The following FAM161B variants were observed in gnomAD, a reference collection of about 807,000 sequenced individuals.
FAM161B encodes protein FAM161B.
In FAM161B, 46 loss-of-function variants were observed where a neutral mutation model predicts 61.5. The ratio of observed to expected loss-of-function variants is 0.75; its 90% CI spans 0.59 to 0.96. The LOEUF (loss-of-function observed/expected upper bound fraction) is 0.96, where lower values mean the gene tolerates loss of function less well. Among genes scored for constraint, FAM161B ranks in the 40% least tolerant of loss-of-function variants. FAM161B has a pLI of 0.00. For synonymous variants in FAM161B, 284 were observed against 302.7 expected, an observed-to-expected ratio of 0.94 and a Z score of 0.64; for missense variants, 774 against 800.7, an observed-to-expected ratio of 0.97 and a Z score of 0.40.
intron 4 of FAM161B, among the ~76,000 whole-genome samples, chr14:73,942,131 C>T (rs1046479469): frequency 3.9e-5 from 6 of 152,170 alleles, no homozygotes; most frequent in Non-Finnish European, 7.3e-5. Flanking sequence ...GCTGGAACTA[C>T]AGGTACACAC....
downstream of FAM161B, among the ~76,000 whole-genome samples, chr14:73,930,988 G>A (rs2055903732): frequency 1.3e-5 from 2 of 152,196 alleles, no homozygotes; most frequent in African/African-American, 4.8e-5. Flanking sequence ...TAGAATGTTA[G>A]TGGTAGTTGC....
At chr14:73,926,308 A>G in the FAM161B span, among the ~76,000 whole-genome samples, 1 of 152,140 alleles carries the variant, frequency 6.6e-6, no homozygotes, top group Admixed American at 6.6e-5. Context: ...TTGGTTTGCT[A>G]GAGTCAGGAT....
At chr14:73,928,634 A>AT (rs1192021761), downstream of FAM161B, among the ~76,000 whole-genome samples, 1 of 152,190 alleles carries the variant, frequency 6.6e-6, no homozygotes, top group Non-Finnish European at 1.5e-5. Flanking sequence ...GGGAGACAGC[A>AT]TAACACAGGC....
the FAM161B span, chr14:73,923,367 A>T: frequency 2.5e-6 from 4 of 1,607,016 alleles, no homozygotes; most frequent in Non-Finnish European, 3.4e-6. Context: ...TTCACTTTTC[A>T]TTGAAACATT....
rs73301408 is a variant in FAM161B, at chr14:73,942,635, A to C, written c.1006T>G (p.Ser336Ala). The C allele has an allele frequency of 3.8e-4, 606 of 1,614,056 alleles. 2 individuals are homozygous for C. The African/African-American group carries it at 6.7e-3, about 18-fold the overall frequency. Reference protein sequence around the residue: ...LQMASSPIASSSNRANPQPRT... With the variant: ...LQMASSPIASASNRANPQPRT... ...GGCTGTGGGTTAGCCCGGTTACTAG[A>C]GGAGGCGATAGGGGAAGAGGCCATC... The change falls in exon 4 of 9, where the codon TCT becomes GCT. Residue 336 changes from serine (S) to alanine (A), a missense_variant. Ser to Ala is a moderately conservative substitution (Grantham distance 99). Transcript: ENST00000286544.
rs533485227 is a variant in FAM161B at position 73,946,687 on chromosome 14, A to T, written c.55-82T>A. ...TCATAACTTAATTTCGCTTTGAATA[A>T]GCTTCTGTATATTAGGGACTGGGGA... is the stretch of plus-strand genomic sequence containing the variant. On this transcript the variant is annotated intron_variant, in intron 1 of 8. Coordinates refer to ENST00000286544, the MANE Select transcript of FAM161B (RefSeq NM_152445.3). 1.7e-5 allele frequency: 24 copies of T among 1,440,272 alleles called. No homozygotes were observed. The East Asian group carries it at 3.7e-4, about 22-fold the overall frequency. The allele number at this position is 1,440,272 out of a possible 1,614,324, so 89.2% of individuals were successfully genotyped here. A position where few individuals can be genotyped will look rare whatever the true frequency, so the allele number is the denominator to read the frequency against.
At chr14:73,946,791 G>C (rs2056071495) in intron 1 of FAM161B, among the ~76,000 whole-genome samples, 186 bp from the exon 2 acceptor site, 1 of 152,186 alleles carries the variant, frequency 6.6e-6, no homozygotes, top group African/African-American at 2.4e-5. Context: ...AATAAGGTGT[G>C]TTTCTTGGTC....
downstream of FAM161B, among the ~76,000 whole-genome samples, chr14:73,926,508 A>G (rs1398609311): frequency 6.6e-6 from 1 of 151,954 alleles, no homozygotes; most frequent in Non-Finnish European, 1.5e-5. Flanking sequence ...ATCTCGGCTC[A>G]CTGCAACCTC....
rs780980019 is a variant in FAM161B at position 73,937,655 on chromosome 14, C to T, written c.1612G>A (p.Glu538Lys). The T allele has an allele frequency of 4.3e-6, 7 of 1,614,070 alleles. No individual in the cohort carries two copies. The highest frequency in any genetic ancestry group is 5.1e-6 in the Non-Finnish European group (6 of 1,180,024). The change falls in exon 7 of 9, where the codon GAA becomes AAA. Residue 538 changes from glutamate to lysine, a missense_variant. Physicochemically the swap from Glu to Lys is moderately conservative, Grantham distance 56. Transcript: ENST00000286544. ...CTTGTTTGTATTCGCTGCTTCATTT[C>T]CTCCAGTTCTTTCTTATATTCTTTC... ...RAKEYKKELE[E>K]MKQRIQTRPY...
intron 1 of FAM161B, among the ~76,000 whole-genome samples, chr14:73,947,129 T>C (rs1594779382): frequency 6.6e-6 from 1 of 152,284 alleles, no homozygotes; most frequent in East Asian, 1.9e-4. Flanking sequence ...CTCATGCCTG[T>C]AATCCCAGCA....
At chr14:73,942,273 GA>G in intron 4 of FAM161B, 95 bp downstream of exon 4, 1 of 1,292,984 alleles carries the variant, frequency 7.7e-7, no homozygotes, top group East Asian at 2.4e-5. Context: ...AAAAAGATAG[GA>G]AAACCTTGTT....
chr14:73,942,348 C>G (rs1338638388), intron 4 of FAM161B, 21 bp downstream of exon 4: 1 of 1,609,060 alleles, frequency 6.2e-7, no homozygotes, highest in African/African-American at 1.3e-5. Flanking sequence ...CTGACCCTCC[C>G]ACAGCTGCCT....
chr14:73,928,519 A>G (rs1252996618), downstream of FAM161B, among the ~76,000 whole-genome samples: 3 of 152,208 alleles, frequency 2.0e-5, no homozygotes, highest in South Asian at 4.1e-4. Flanking sequence ...TTGTGTATTC[A>G]GAATATCCAG....
chr14:73,935,627 A>T (rs2055965782), intron 8 of FAM161B, among the ~76,000 whole-genome samples: 1 of 152,158 alleles, frequency 6.6e-6, no homozygotes, highest in Admixed American at 6.5e-5. Context: ...TTATAGTTTT[A>T]TAAGAAGTCA....
In FAM161B at chr14:73,944,565, T is replaced by C. The variant is rs2056047938; in HGVS notation, c.695A>G (p.Glu232Gly). The C allele has an allele frequency of 3.7e-6, 6 of 1,614,014 alleles. No individual in the cohort carries two copies. The highest frequency in any genetic ancestry group is 5.1e-6 in the Non-Finnish European group (6 of 1,179,982). Residue 232 changes from glutamate (E) to glycine (G), a missense_variant, in exon 3 of 9, where the codon GAG (glutamate) becomes GGG (glycine). Coordinates refer to ENST00000286544, the MANE Select transcript of FAM161B (RefSeq NM_152445.3). ...PAHVYLPLYQ[E>G]IMERSEARRQ... ...TCGGGCCTCGCTGCGCTCCATGATC[T>C]CTTGGTAGAGGGGCAGGTAGACATG...
chr14:73,940,531 C>A (rs1469143526), intron 5 of FAM161B, among the ~76,000 whole-genome samples: 1 of 152,148 alleles, frequency 6.6e-6, no homozygotes, highest in African/African-American at 2.4e-5. Context: ...CTTTAGACAT[C>A]TATTCCACAA....
At chr14:73,936,143 T>C (rs1380387521) in intron 7 of FAM161B, 55 bp from the exon 8 acceptor site, 3 of 1,523,082 alleles carry the variant, frequency 2.0e-6, no homozygotes, top group Non-Finnish European at 2.7e-6. Context: ...CAGACAATTC[T>C]AAATTACTTA....
Position 73,934,382 on chromosome 14 carries a change from A to T in FAM161B, c.1818T>A (p.Thr606=). 3 of 1,604,952 alleles carry T rather than the reference A, an allele frequency of 1.9e-6. No homozygotes were observed. Among genetic ancestry groups the T allele is most frequent in the Non-Finnish European group, 2.5e-6 (3 of 1,177,794 alleles). Residue 606 remains threonine, a synonymous_variant, in exon 9 of 9, where the codon ACT becomes ACA. Coordinates refer to ENST00000286544, the MANE Select transcript of FAM161B (RefSeq NM_152445.3). ...CTGGATCTCTGATGCTGAGTTTTGT[A>T]GTTTCTTGGAACCTGCAGAATAAAT... is the stretch of plus-strand genomic sequence containing the variant. The part of the protein sequence containing the change: ...KIKDFPRFQE[T]TKLSIRDPEQ...
chr14:73,934,087 G>C lies in FAM161B; in HGVS notation c.*169C>G. 1.4e-6 allele frequency: 1 copy of C among 713,336 alleles called. No homozygotes were observed. Among genetic ancestry groups the C allele is most frequent in the African/African-American group, 1.8e-5 (1 of 54,432 alleles). 44.2% of individuals were successfully genotyped at this position (713,336 alleles called of 1,614,324 possible). A position where few individuals can be genotyped will look rare whatever the true frequency, so the allele number is the denominator to read the frequency against. Reference sequence around the variant, plus strand: ...TCTGCCTGCCTCAGCCTCCCAAAGTGTTGGGATTACAGGCGTGAGCCACTG... The same window carrying C: ...TCTGCCTGCCTCAGCCTCCCAAAGTCTTGGGATTACAGGCGTGAGCCACTG... On this transcript the variant is annotated 3_prime_UTR_variant, in exon 9 of 9. Transcript: ENST00000286544.
Sources: gnomAD v4.1 joint callset for allele counts (sites outside exome capture counted in the v4.1 genomes callset) on GRCh38, gnomAD v4.1.1 for gene constraint, MANE v1.5 for transcripts, NCBI Gene and HGNC (gene_info 2026-07-23, HGNC 2026-07-21) for gene names.